MED21: variants seen among roughly 807,000 people sequenced by gnomAD.
MED21 encodes mediator of RNA polymerase II transcription subunit 21.
MED21 carries 9 observed loss-of-function variants against 18.2 expected under a neutral mutation model. The ratio of observed to expected loss-of-function variants is 0.49; its 90% CI spans 0.30 to 0.86. The LOEUF (loss-of-function observed/expected upper bound fraction) is 0.86. Among genes scored for constraint, MED21 ranks in the 40% least tolerant of loss-of-function variants. The pLI is 0.07. For missense variants in MED21, 150 were observed against 170.9 expected, an observed-to-expected ratio of 0.88 and a Z score of 0.68; for synonymous variants, 73 against 60.5, an observed-to-expected ratio of 1.21 and a Z score of -0.96.
Position 27,030,429 on chromosome 12 carries a change from G to A in MED21, c.*1968G>A, listed in dbSNP as rs888792995. The A allele has an allele frequency of 7.9e-5, 30 of 381,478 alleles. No individual in the cohort carries two copies. The highest frequency in any genetic ancestry group is 6.3e-4 in the Admixed American group (14 of 22,196). 23.6% of individuals were successfully genotyped at this position (381,478 alleles called of 1,614,324 possible). A position where few individuals can be genotyped will look rare whatever the true frequency, so the allele number is the denominator to read the frequency against. On this transcript the variant is annotated 3_prime_UTR_variant, in exon 4 of 4. Transcript: ENST00000282892. ...TAAGTATTTGTATCATCCCTAGAGC[G>A]ACACAGATTTTTCCCTAAAAAACTA...
intron 2 of MED21, chr12:27,037,374 T>C (rs954194790): frequency 2.6e-5 from 4 of 152,064 alleles, no homozygotes; most frequent in Non-Finnish European, 2.9e-5. Context: ...CATACAGTCA[T>C]GTCGTCTGCA....
chr12:27,023,920 G>T (rs766743543), intron 1 of MED21, among the ~76,000 whole-genome samples: 1 of 152,102 alleles, frequency 6.6e-6, no homozygotes, highest in Non-Finnish European at 1.5e-5. Context: ...GCACATAATT[G>T]TATGTGCTAT....
Position 27,022,634 on chromosome 12 carries a change from A to G in MED21, c.42+13A>G, listed in dbSNP as rs1383696088. 1.9e-6 allele frequency: 3 copies of G among 1,596,772 alleles called. No individual in the cohort carries two copies. Among genetic ancestry groups the G allele is most frequent in the Non-Finnish European group, 2.6e-6 (3 of 1,167,818 alleles). On this transcript the variant is annotated intron_variant, in intron 1 of 3. Coordinates refer to ENST00000282892, the MANE Select transcript of MED21 (RefSeq NM_004264.5). ...CGCTGTGAATTCGGTGAGGAATTTC[A>G]TTCGATTAGCCTCTGTCTTTCTCTT... is the stretch of plus-strand genomic sequence containing the variant.
chr12:27,036,984 T>C (rs1235003789), intron 2 of MED21: 1 of 152,164 alleles, frequency 6.6e-6, no homozygotes, highest in Non-Finnish European at 1.5e-5. Flanking sequence ...AAGAAAGGCA[T>C]TGGTAGCTTG....
At chr12:27,035,529 C>T (rs1034326326), downstream of MED21, among the ~76,000 whole-genome samples, 1 of 148,942 alleles carries the variant, frequency 6.7e-6, no homozygotes, top group African/African-American at 2.5e-5. Context: ...TGCTGGTGTG[C>T]TGCACCCGTT....
rs1005218212 is a variant in MED21, at chr12:27,030,458, A to C, written c.*1997A>C. 2 of 360,086 alleles carry C rather than the reference A, an allele frequency of 5.6e-6. No individual in the cohort carries two copies. Among genetic ancestry groups the C allele is most frequent in the Non-Finnish European group, 9.8e-6 (2 of 203,554 alleles). The allele number at this position is 360,086 out of a possible 1,614,324, so 22.3% of individuals were successfully genotyped here. ...CAGATTTTTCCCTAAAAAACTACAG[A>C]TTATTTTCAAAAGCATTAATAAATT... On this transcript the variant is annotated 3_prime_UTR_variant, in exon 4 of 4. Coordinates refer to ENST00000282892, the MANE Select transcript of MED21 (RefSeq NM_004264.5).
At chr12:27,026,628 T>C in intron 2 of MED21, 94 bp downstream of exon 2, 1 of 778,128 alleles carries the variant, frequency 1.3e-6, no homozygotes, top group East Asian at 2.6e-5. Flanking sequence ...CTTATTTTAT[T>C]TCTAAAATTA....
chr12:27,027,162 C>T (rs538184644), intron 2 of MED21, among the ~76,000 whole-genome samples, 185 bp from the exon 3 acceptor site: 16 of 152,154 alleles, frequency 1.1e-4, no homozygotes, highest in Non-Finnish European at 2.1e-4. Context: ...CTCCTGACCT[C>T]GTGATCCGCC....
chr12:27,036,388 T>G (rs1386744857), intron 2 of MED21, among the ~76,000 whole-genome samples: 1 of 152,230 alleles, frequency 6.6e-6, no homozygotes, highest in Admixed American at 6.5e-5. Flanking sequence ...TTCTGTAGGT[T>G]GCCTGTTCAC....
downstream of MED21, among the ~76,000 whole-genome samples, chr12:27,033,838 G>A (rs749742181): frequency 4.6e-5 from 7 of 152,142 alleles, no homozygotes; most frequent in Non-Finnish European, 8.8e-5. Flanking sequence ...GTGGTATTCG[G>A]CCAAGACAGC....
Position 27,030,346 on chromosome 12 carries a change from G to A in MED21, c.*1885G>A. ...GATGGGGTCTCACTCTGTTGCCCAG[G>A]CTAATGCCAAACTGCTAACCTCAAG... On this transcript the variant is annotated 3_prime_UTR_variant, in exon 4 of 4. Coordinates refer to ENST00000282892, the MANE Select transcript of MED21 (RefSeq NM_004264.5). 2.3e-6 allele frequency: 1 copy of A among 436,352 alleles called. No individual in the cohort carries two copies. The highest frequency in any genetic ancestry group is 4.1e-6 in the Non-Finnish European group (1 of 245,606). 27.0% of individuals were successfully genotyped at this position (436,352 alleles called of 1,614,324 possible).
At chr12:27,027,526 C>G in intron 3 of MED21, 79 bp downstream of exon 3, 1 of 1,009,612 alleles carries the variant, frequency 9.9e-7, no homozygotes, top group Non-Finnish European at 1.5e-6. Flanking sequence ...TACCTTTTGT[C>G]TGTGTCCATT....
chr12:27,029,647 C>T lies in MED21; in HGVS notation c.*1186C>T, dbSNP rs1049137608. 24 of 985,254 alleles carry T rather than the reference C, an allele frequency of 2.4e-5. No homozygotes were observed. Among genetic ancestry groups the T allele is most frequent in the Admixed American group, 6.1e-5 (1 of 16,274 alleles). 61.0% of individuals were successfully genotyped at this position (985,254 alleles called of 1,614,324 possible). Reference sequence around the variant, plus strand: ...ATGTTTCAAATTTCAGGAACACCAGCGTTAGCTGTAAAAGTTGCAGCAATT... The same window carrying T: ...ATGTTTCAAATTTCAGGAACACCAGTGTTAGCTGTAAAAGTTGCAGCAATT... On this transcript the variant is annotated 3_prime_UTR_variant, in exon 4 of 4. Transcript: ENST00000282892.
chr12:27,037,495 G>T (rs1462755648), intron 2 of MED21: 1 of 152,050 alleles, frequency 6.6e-6, no homozygotes, highest in African/African-American at 2.4e-5. Context: ...GGAGTGGTGA[G>T]AGAGGGCATC....
rs546629225 is a variant in MED21, at chr12:27,030,129, T to G, written c.*1668T>G. On this transcript the variant is annotated 3_prime_UTR_variant, in exon 4 of 4. Coordinates refer to ENST00000282892, the MANE Select transcript of MED21 (RefSeq NM_004264.5). ...CTCTGTAGAGGATATACAGTTTTTT[T>G]TTGTTGTTCTTGTTTCTGTTTTTTT... The G allele has an allele frequency of 1.3e-5, 8 of 637,566 alleles. No individual in the cohort carries two copies. The highest frequency in any genetic ancestry group is 9.1e-5 in the African/African-American group (5 of 54,908). The allele number at this position is 637,566 out of a possible 1,614,324, so 39.5% of individuals were successfully genotyped here.
At chr12:27,022,833 C>T (rs1307866830) in intron 1 of MED21, 4 of 1,483,820 alleles carry the variant, frequency 2.7e-6, no homozygotes, top group African/African-American at 1.4e-5. Context: ...GGAGCAGACT[C>T]TTTCGCTTGA....
intron 2 of MED21, among the ~76,000 whole-genome samples, chr12:27,036,321 G>A (rs896000643): frequency 2.6e-5 from 4 of 152,176 alleles, no homozygotes; most frequent in African/African-American, 4.8e-5. Context: ...GGAGTTCACT[G>A]TAGATTCTGG....
intron 1 of MED21, among the ~76,000 whole-genome samples, chr12:27,023,161 G>C (rs1228152808): frequency 6.6e-6 from 1 of 151,986 alleles, no homozygotes; most frequent in African/African-American, 2.4e-5. Flanking sequence ...ATCTTAGCTC[G>C]TTCCTTTGGG....
Position 27,022,869 on chromosome 12 carries a change from C to T in MED21, c.42+248C>T, listed in dbSNP as rs193160874. 1.4e-5 allele frequency: 20 copies of T among 1,416,454 alleles called. No individual in the cohort carries two copies. In the African/African-American group the frequency reaches 2.8e-4, roughly 19 times the overall value. The allele number at this position is 1,416,454 out of a possible 1,614,324, so 87.7% of individuals were successfully genotyped here. On this transcript the variant is annotated intron_variant, in intron 1 of 3. Coordinates refer to ENST00000282892, the MANE Select transcript of MED21 (RefSeq NM_004264.5). ...GGAGACCGGGAAGATCGTTCTTGTC[C>T]GGGTGAGGCCGCCAGGACTTGTGGG...
Sources: gnomAD v4.1 joint callset for allele counts (sites outside exome capture counted in the v4.1 genomes callset) on GRCh38, gnomAD v4.1.1 for gene constraint, MANE v1.5 for transcripts, NCBI Gene and HGNC (gene_info 2026-07-23, HGNC 2026-07-21) for gene names.